Variants in SGCD observed in about 807,000 individuals in gnomAD.
SGCD encodes sarcoglycan delta, also known as delta-sarcoglycan.
Under a neutral mutation model 36.6 loss-of-function variants are expected in SGCD, and 18 were observed. That is an observed-to-expected ratio of 0.49 (90% CI 0.34 to 0.73). The LOEUF (loss-of-function observed/expected upper bound fraction) is 0.73. SGCD is among the 30% of genes least tolerant of loss of function. The pLI is 0.01. For missense variants in SGCD, 387 were observed against 346.7 expected, an observed-to-expected ratio of 1.12 and a Z score of -0.92; for synonymous variants, 133 against 130.6, an observed-to-expected ratio of 1.02 and a Z score of -0.12.
the SGCD span, among the ~76,000 whole-genome samples, chr5:155,743,795 G>A: frequency 1.3e-5 from 2 of 152,174 alleles, no homozygotes; most frequent in Admixed American, 6.5e-5. Context: ...AGCAGATGAG[G>A]AAAACCAAAA....
chr5:156,601,824 C>G (rs546203376), intron 6 of SGCD, among the ~76,000 whole-genome samples: 2 of 152,214 alleles, frequency 1.3e-5, no homozygotes, highest in South Asian at 4.1e-4. Context: ...GCTGGGCCTA[C>G]AGGCGCCTGC....
At chr5:156,462,729 G>T (rs969825190) in intron 3 of SGCD, among the ~76,000 whole-genome samples, 6 of 152,146 alleles carry the variant, frequency 3.9e-5, no homozygotes, top group Admixed American at 2.6e-4. Flanking sequence ...ATTCTCAACA[G>T]AAAGGCTATA....
chr5:156,001,194 G>C (rs1437996351), intron 1 of SGCD, among the ~76,000 whole-genome samples: 2 of 152,140 alleles, frequency 1.3e-5, no homozygotes, highest in African/African-American at 4.8e-5. Flanking sequence ...AATGGTTATA[G>C]GCAGGTCGCT....
intron 1 of SGCD, among the ~76,000 whole-genome samples, chr5:156,043,436 T>C (rs4704943): frequency 0.3 from 45,905 of 152,018 alleles, 8,896 homozygotes; most frequent in African/African-American, 0.55. Context: ...GCAGCAACTG[T>C]CTAATTTCTC....
intron 7 of SGCD, among the ~76,000 whole-genome samples, chr5:156,724,189 G>A (rs1755653600): frequency 6.6e-6 from 1 of 152,182 alleles, no homozygotes; most frequent in Non-Finnish European, 1.5e-5. Flanking sequence ...TATCTGGCAT[G>A]GAAGATAATG....
intron 1 of SGCD, among the ~76,000 whole-genome samples, chr5:156,041,189 A>C (rs1759624902): frequency 6.6e-6 from 1 of 152,202 alleles, no homozygotes; most frequent in African/African-American, 2.4e-5. Context: ...AAAAGTCAAC[A>C]CAGGCCTCAC....
chr5:156,244,018 G>A (rs1260588666), intron 3 of SGCD, among the ~76,000 whole-genome samples: 1 of 152,192 alleles, frequency 6.6e-6, no homozygotes, highest in Non-Finnish European at 1.5e-5. Flanking sequence ...AGAGTCACAT[G>A]ACAGTGAAGA....
intron 7 of SGCD, among the ~76,000 whole-genome samples, chr5:156,672,092 C>G (rs1056683105): frequency 2.0e-5 from 3 of 152,122 alleles, no homozygotes; most frequent in East Asian, 1.9e-4. Flanking sequence ...GGATAAATAT[C>G]CAAAGTATAT....
intron 1 of SGCD, among the ~76,000 whole-genome samples, chr5:155,893,493 T>C (rs768469472): frequency 2.6e-5 from 4 of 152,214 alleles, no homozygotes; most frequent in Non-Finnish European, 4.4e-5. Flanking sequence ...CTTAGCCTTA[T>C]ATAGTTGAAT....
At chr5:156,345,645 G>A (rs1275615633) in intron 3 of SGCD, among the ~76,000 whole-genome samples, 3 of 152,052 alleles carry the variant, frequency 2.0e-5, no homozygotes, top group African/African-American at 4.8e-5. Context: ...GGGAAACATA[G>A]CAAGACCCGA....
chr5:156,726,259 G>T (rs1366462348), intron 7 of SGCD, among the ~76,000 whole-genome samples: 1 of 152,118 alleles, frequency 6.6e-6, no homozygotes, highest in African/African-American at 2.4e-5. Context: ...TGCCCCCTAA[G>T]AATGTTTGTC....
chr5:156,146,594 T>A (rs1762714625), intron 3 of SGCD, among the ~76,000 whole-genome samples: 1 of 152,252 alleles, frequency 6.6e-6, no homozygotes, highest in Non-Finnish European at 1.5e-5. Flanking sequence ...TAATTTTACA[T>A]GTAATTTTAA....
intron 3 of SGCD, among the ~76,000 whole-genome samples, chr5:156,384,554 G>A (rs1268035873): frequency 4.6e-5 from 7 of 152,204 alleles, no homozygotes; most frequent in African/African-American, 1.4e-4. Flanking sequence ...CACCATATGT[G>A]TGTTGAATAA....
intron 3 of SGCD, among the ~76,000 whole-genome samples, chr5:156,130,803 C>T (rs1219587596): frequency 6.6e-6 from 1 of 151,922 alleles, no homozygotes; most frequent in Non-Finnish European, 1.5e-5. Flanking sequence ...CTTGACTCAC[C>T]ACAACCTCTG....
At chr5:155,814,534 A>G in the SGCD span, among the ~76,000 whole-genome samples, 1 of 152,188 alleles carries the variant, frequency 6.6e-6, no homozygotes, top group East Asian at 1.9e-4. Flanking sequence ...AGAGGCATTC[A>G]CTGTGGTAAC....
At chr5:155,964,550 CTGGTCT>C (rs1179096582) in intron 1 of SGCD, among the ~76,000 whole-genome samples, 1 of 152,092 alleles carries the variant, frequency 6.6e-6, no homozygotes, top group East Asian at 1.9e-4. Flanking sequence ...GTTGGCCAGG[CTGGTCT>C]TGAACTCCTG....
chr5:156,602,150 G>A (rs1338884951), intron 6 of SGCD, among the ~76,000 whole-genome samples: 1 of 149,960 alleles, frequency 6.7e-6, no homozygotes, highest in African/African-American at 2.5e-5. Flanking sequence ...TTTCAGTATA[G>A]AGATCTTTTC....
At chr5:155,796,350 T>A in the SGCD span, among the ~76,000 whole-genome samples, 1 of 152,138 alleles carries the variant, frequency 6.6e-6, no homozygotes, top group East Asian at 1.9e-4. Context: ...CTCTAAATAA[T>A]CTGTGTGTCA....
At chr5:156,381,833 A>C (rs7737609) in intron 3 of SGCD, among the ~76,000 whole-genome samples, 118,845 of 152,028 alleles carry the variant, frequency 0.78, 47,071 homozygotes, top group Middle Eastern at 0.91. Flanking sequence ...GCCTCTGTGA[A>C]CTTGAGTAAG....
Sources: gnomAD v4.1 joint callset for allele counts (sites outside exome capture counted in the v4.1 genomes callset) on GRCh38, gnomAD v4.1.1 for gene constraint, MANE v1.5 for transcripts, NCBI Gene and HGNC (gene_info 2026-07-23, HGNC 2026-07-21) for gene names.